The following SLC30A8 variants were observed in gnomAD, a reference collection of about 807,000 sequenced individuals.
SLC30A8 encodes proton-coupled zinc antiporter SLC30A8.
In SLC30A8, 27 loss-of-function variants were observed where a neutral mutation model predicts 36.9. The observed-to-expected ratio is 0.73, with a 90% CI of 0.54 to 1.01. The LOEUF (loss-of-function observed/expected upper bound fraction) is 1.01, where lower values mean the gene tolerates loss of function less well. SLC30A8 is among the 50% of genes least tolerant of loss of function. SLC30A8 has a pLI of 0.00. For missense variants in SLC30A8, 439 were observed against 452.0 expected (o/e 0.97, Z 0.26); for synonymous variants, 164 against 172.4 (o/e 0.95, Z 0.38).
intron 4 of SLC30A8, 60 bp from the exon 5 acceptor site, chr8:117,161,678 T>C: frequency 6.6e-7 from 1 of 1,517,170 alleles, no homozygotes; most frequent in Non-Finnish European, 8.9e-7. Flanking sequence ...TTCTCCATTA[T>C]GCTGCCTACG....
At chr8:117,076,837 CT>C (rs1456267118) in intron 2 of SLC30A8, among the ~76,000 whole-genome samples, 1 of 151,814 alleles carries the variant, frequency 6.6e-6, no homozygotes, top group African/African-American at 2.4e-5. Context: ...TGTTTGTTGA[CT>C]GATTGACTGA....
intron 1 of SLC30A8, among the ~76,000 whole-genome samples, chr8:117,004,475 GTCA>G (rs1816108900): frequency 6.6e-6 from 1 of 152,072 alleles, no homozygotes; most frequent in Non-Finnish European, 1.5e-5. Flanking sequence ...TTTGGCATGA[GTCA>G]TCATCAACTG....
chr8:117,008,236 A>T (rs1312804298), intron 1 of SLC30A8, among the ~76,000 whole-genome samples: 1 of 152,176 alleles, frequency 6.6e-6, no homozygotes, highest in African/African-American at 2.4e-5. Context: ...TAATAATACC[A>T]ATAAGAACCC....
At chr8:116,985,693 A>G (rs1482210307) in intron 1 of SLC30A8, among the ~76,000 whole-genome samples, 2 of 152,142 alleles carry the variant, frequency 1.3e-5, no homozygotes. Flanking sequence ...TCTACCAACA[A>G]TGCATGAAAG....
chr8:117,135,354 T>C lies in SLC30A8; in HGVS notation c.27T>C (p.Leu9=). Reference sequence around the variant, plus strand: ...TGGAGTTTCTTGAAAGAACGTATCTTGTGAATGATAAAGCTGCCAAGATGT... The same window carrying C: ...TGGAGTTTCTTGAAAGAACGTATCTCGTGAATGATAAAGCTGCCAAGATGT... MEFLERTY[L]VNDKAAKMYA... The change falls in exon 1 of 8, where the codon CTT becomes CTC. Residue 9 remains leucine, a synonymous_variant. Coordinates refer to ENST00000456015, the MANE Select transcript of SLC30A8 (RefSeq NM_173851.3). 1.9e-6 allele frequency: 3 copies of C among 1,600,746 alleles called. No individual in the cohort carries two copies. Among genetic ancestry groups the C allele is most frequent in the Non-Finnish European group, 2.6e-6 (3 of 1,171,958 alleles).
At chr8:117,090,696 G>C (rs918824126) in intron 2 of SLC30A8, among the ~76,000 whole-genome samples, 38 of 152,196 alleles carry the variant, frequency 2.5e-4, no homozygotes, top group African/African-American at 9.2e-4. Flanking sequence ...TAAGATTTGA[G>C]CATATGAATT....
chr8:117,049,906 C>T (rs1563568621), intron 2 of SLC30A8, among the ~76,000 whole-genome samples: 1 of 152,198 alleles, frequency 6.6e-6, no homozygotes, highest in Non-Finnish European at 1.5e-5. Context: ...AAACAATCTT[C>T]CTGATATATA....
At chr8:117,003,860 A>T (rs1816090915) in intron 1 of SLC30A8, among the ~76,000 whole-genome samples, 1 of 152,218 alleles carries the variant, frequency 6.6e-6, no homozygotes, top group South Asian at 2.1e-4. Flanking sequence ...ACATTTTGAC[A>T]TCTCTGTCTT....
At chr8:116,968,572 A>G (rs1040576194) in intron 1 of SLC30A8, among the ~76,000 whole-genome samples, 3 of 151,726 alleles carry the variant, frequency 2.0e-5, no homozygotes, top group Non-Finnish European at 2.9e-5. Flanking sequence ...AAAGTAAATC[A>G]CATGACCAAG....
chr8:117,025,940 A>G (rs1816858160), intron 1 of SLC30A8, among the ~76,000 whole-genome samples: 1 of 152,222 alleles, frequency 6.6e-6, no homozygotes, highest in African/African-American at 2.4e-5. Context: ...AGGCTTTTAA[A>G]GCATCCCCTG....
chr8:117,161,624 A>C, intron 4 of SLC30A8, 114 bp from the exon 5 acceptor site: 1 of 982,418 alleles, frequency 1.0e-6, no homozygotes, highest in Non-Finnish European at 1.5e-6. Context: ...AAGCATAAAT[A>C]TTTCAACTAT....
chr8:117,093,645 G>C (rs1291916667), intron 2 of SLC30A8, among the ~76,000 whole-genome samples: 1 of 152,138 alleles, frequency 6.6e-6, no homozygotes, highest in Non-Finnish European at 1.5e-5. Flanking sequence ...ATGCTAATTA[G>C]TAACACTAAC....
chr8:117,136,956 C>T (rs6983109), intron 1 of SLC30A8, among the ~76,000 whole-genome samples: 118 of 152,072 alleles, frequency 7.8e-4, no homozygotes, highest in African/African-American at 2.6e-3. Flanking sequence ...TTATTTATCT[C>T]GATCCCTCAT....
intron 1 of SLC30A8, among the ~76,000 whole-genome samples, chr8:116,981,936 A>G (rs1202294207): frequency 6.6e-6 from 1 of 152,198 alleles, no homozygotes; most frequent in Non-Finnish European, 1.5e-5. Flanking sequence ...TATACTCAGT[A>G]ATAGGATTGC....
intron 1 of SLC30A8, among the ~76,000 whole-genome samples, chr8:117,139,698 A>C (rs1821553560): frequency 6.6e-6 from 1 of 152,094 alleles, no homozygotes; most frequent in Non-Finnish European, 1.5e-5. Flanking sequence ...ATCACTTAAC[A>C]GTGAGATAGT....
chr8:117,027,830 AG>A (rs1304503529), intron 1 of SLC30A8, among the ~76,000 whole-genome samples: 4 of 152,146 alleles, frequency 2.6e-5, no homozygotes, highest in Non-Finnish European at 4.4e-5. Context: ...TTTGGGAAAA[AG>A]GAGGGTCTTT....
At chr8:117,162,718 T>C (rs1563636890) in intron 5 of SLC30A8, among the ~76,000 whole-genome samples, 1 of 152,200 alleles carries the variant, frequency 6.6e-6, no homozygotes, top group Non-Finnish European at 1.5e-5. Flanking sequence ...CTGAAAGCTT[T>C]AGGTCTAAGG....
At chr8:117,042,511 G>A (rs1224537894) in intron 2 of SLC30A8, among the ~76,000 whole-genome samples, 2 of 152,116 alleles carry the variant, frequency 1.3e-5, no homozygotes, top group African/African-American at 2.4e-5. Context: ...CGGGGTTTGG[G>A]AAATGTATCC....
At chr8:117,132,142 T>C (rs1399576359), upstream of SLC30A8, among the ~76,000 whole-genome samples, 3 of 152,044 alleles carry the variant, frequency 2.0e-5, no homozygotes, top group African/African-American at 7.2e-5. Context: ...ATTTCTGAAA[T>C]ACGAGTTTAA....
Sources: gnomAD v4.1 joint callset for allele counts (sites outside exome capture counted in the v4.1 genomes callset) on GRCh38, gnomAD v4.1.1 for gene constraint, MANE v1.5 for transcripts, NCBI Gene and HGNC (gene_info 2026-07-23, HGNC 2026-07-21) for gene names.